Variants in LRRTM4 observed in about 807,000 individuals in gnomAD.
LRRTM4 encodes leucine rich repeat transmembrane neuronal 4, also known as leucine-rich repeat transmembrane neuronal protein 4.
A neutral mutation model predicts 47.6 loss-of-function variants in LRRTM4; 25 were observed. That is an observed-to-expected ratio of 0.53 (90% CI 0.38 to 0.73). The LOEUF is 0.73. Among genes scored for constraint, LRRTM4 ranks in the 30% least tolerant of loss-of-function variants. LRRTM4 has a pLI of 0.00. For missense variants in LRRTM4, 638 were observed against 713.4 expected (o/e 0.89, Z 1.20); for synonymous variants, 311 against 269.5 (o/e 1.15, Z -1.51).
intron 3 of LRRTM4, among the ~76,000 whole-genome samples, chr2:77,300,919 G>A (rs1010979731): frequency 3.9e-5 from 6 of 151,992 alleles, no homozygotes; most frequent in African/African-American, 1.4e-4. Context: ...CCATTTATCA[G>A]TTGTGCTAAA....
intron 3 of LRRTM4, among the ~76,000 whole-genome samples, chr2:76,964,381 A>T (rs992464757): frequency 1.4e-4 from 21 of 151,052 alleles, no homozygotes; most frequent in African/African-American, 4.4e-4. Context: ...TTTTACAGAT[A>T]AATTCAGGTC....
chr2:77,133,995 C>G (rs1169942439), intron 3 of LRRTM4, among the ~76,000 whole-genome samples: 1 of 152,060 alleles, frequency 6.6e-6, no homozygotes, highest in Non-Finnish European at 1.5e-5. Context: ...GTACACTCTT[C>G]CTTGGTAACT....
chr2:77,273,410 A>C (rs1200032795), intron 3 of LRRTM4, among the ~76,000 whole-genome samples: 1 of 152,120 alleles, frequency 6.6e-6, no homozygotes. Context: ...CTATGGCAAA[A>C]TTTTTAATTA....
chr2:76,763,637 G>A (rs573776871), intron 3 of LRRTM4, among the ~76,000 whole-genome samples: 6 of 152,210 alleles, frequency 3.9e-5, no homozygotes, highest in Non-Finnish European at 8.8e-5. Flanking sequence ...CCTGTGAAGT[G>A]GAGTGCTGCT....
At chr2:76,845,677 T>A (rs1429357114) in intron 3 of LRRTM4, among the ~76,000 whole-genome samples, 1 of 152,170 alleles carries the variant, frequency 6.6e-6, no homozygotes, top group Non-Finnish European at 1.5e-5. Context: ...GGAGCTAACA[T>A]GAAATATTTT....
chr2:76,983,605 TAC>T (rs1366684149), intron 3 of LRRTM4, among the ~76,000 whole-genome samples: 12 of 152,056 alleles, frequency 7.9e-5, no homozygotes, highest in Non-Finnish European at 1.3e-4. Flanking sequence ...CTGTTTAAAT[TAC>T]AGAGTCTCAG....
intron 3 of LRRTM4, among the ~76,000 whole-genome samples, chr2:77,006,312 A>G (rs891366820): frequency 3.3e-5 from 5 of 152,178 alleles, no homozygotes; most frequent in Admixed American, 6.6e-5. Flanking sequence ...TAAGCCTTTA[A>G]GAAATAAGAT....
chr2:77,088,161 T>C (rs1252047521), intron 3 of LRRTM4, among the ~76,000 whole-genome samples: 2 of 152,232 alleles, frequency 1.3e-5, no homozygotes, highest in Non-Finnish European at 2.9e-5. Context: ...AAATTTCTTC[T>C]GCTGTTTGTC....
intron 3 of LRRTM4, among the ~76,000 whole-genome samples, chr2:77,010,501 T>TACACAA (rs1677830258): frequency 7.2e-6 from 1 of 139,836 alleles, no homozygotes; most frequent in Non-Finnish European, 1.6e-5. Flanking sequence ...TTGTATTGTT[T>TACACAA]ACACACACAC....
At chr2:77,041,991 A>G (rs902287209) in intron 3 of LRRTM4, among the ~76,000 whole-genome samples, 5 of 147,596 alleles carry the variant, frequency 3.4e-5, no homozygotes, top group Non-Finnish European at 7.6e-5. Context: ...TTCCAAATTT[A>G]AAAAACAAGA....
chr2:77,467,892 A>G (rs550019728), intron 3 of LRRTM4, among the ~76,000 whole-genome samples: 125 of 152,320 alleles, frequency 8.2e-4, no homozygotes, highest in African/African-American at 2.8e-3. Context: ...AAAAAATATC[A>G]AAGGTTATTT....
intron 3 of LRRTM4, among the ~76,000 whole-genome samples, chr2:77,454,433 T>G (rs1443977862): frequency 2.0e-5 from 3 of 152,180 alleles, no homozygotes; most frequent in Admixed American, 6.5e-5. Context: ...CTTATAGCAT[T>G]CAAGTTAGTT....
At chr2:76,936,415 C>T (rs535075061) in intron 3 of LRRTM4, among the ~76,000 whole-genome samples, 81 of 149,546 alleles carry the variant, frequency 5.4e-4, no homozygotes, top group Non-Finnish European at 1.1e-3. Context: ...GGGAGGGGAA[C>T]ATCACACACT....
intron 3 of LRRTM4, among the ~76,000 whole-genome samples, chr2:77,154,026 T>A (rs1180738116): frequency 1.3e-5 from 2 of 152,190 alleles, no homozygotes; most frequent in African/African-American, 4.8e-5. Flanking sequence ...TATTTTTGAA[T>A]TACAAACATC....
intron 3 of LRRTM4, among the ~76,000 whole-genome samples, chr2:76,996,842 A>G (rs961836155): frequency 6.6e-6 from 1 of 152,172 alleles, no homozygotes; most frequent in Non-Finnish European, 1.5e-5. Context: ...TATTGGCCTG[A>G]GAGTCATACC....
At chr2:77,099,686 G>C (rs1335805264) in intron 3 of LRRTM4, among the ~76,000 whole-genome samples, 1 of 151,934 alleles carries the variant, frequency 6.6e-6, no homozygotes, top group African/African-American at 2.4e-5. Context: ...GTAATAGGGA[G>C]AACAATCAGA....
At chr2:77,303,681 T>C (rs1224249159) in intron 3 of LRRTM4, among the ~76,000 whole-genome samples, 1 of 152,224 alleles carries the variant, frequency 6.6e-6, no homozygotes, top group Admixed American at 6.5e-5. Context: ...CTTTTTTAGA[T>C]TTCACATGTA....
intron 3 of LRRTM4, among the ~76,000 whole-genome samples, chr2:76,761,626 G>A (rs72917770): frequency 0.014 from 2,199 of 152,284 alleles, 57 homozygotes; most frequent in African/African-American, 0.049. Context: ...TTAATTTACT[G>A]AGATGGTAGT....
intron 3 of LRRTM4, among the ~76,000 whole-genome samples, chr2:76,933,078 C>T (rs771105818): frequency 3.3e-5 from 5 of 151,922 alleles, no homozygotes; most frequent in Non-Finnish European, 7.4e-5. Flanking sequence ...AAGCATTAAC[C>T]ATTAAGATAG....
Sources: gnomAD v4.1 joint callset for allele counts (sites outside exome capture counted in the v4.1 genomes callset) on GRCh38, gnomAD v4.1.1 for gene constraint, MANE v1.5 for transcripts, NCBI Gene and HGNC (gene_info 2026-07-23, HGNC 2026-07-21) for gene names.